Variants in CFAP263 observed in about 807,000 individuals in gnomAD.
CFAP263 encodes cilia- and flagella-associated protein 263.
chr16:58,269,966 A>G, the CFAP263 span, among the ~76,000 whole-genome samples: 1 of 152,218 alleles, frequency 6.6e-6, no homozygotes, highest in South Asian at 2.1e-4. Flanking sequence ...CCCACAATGT[A>G]TGAGAGGGTT....
the CFAP263 span, among the ~76,000 whole-genome samples, chr16:58,259,579 T>A: frequency 6.6e-6 from 1 of 152,358 alleles, no homozygotes; most frequent in Non-Finnish European, 1.5e-5. Context: ...AAGATCATTT[T>A]GTCAGGAAAG....
chr16:58,262,954 T>A, the CFAP263 span, among the ~76,000 whole-genome samples: 1 of 152,228 alleles, frequency 6.6e-6, no homozygotes, highest in African/African-American at 2.4e-5. Context: ...AGAGCCCTGT[T>A]TAATTTGAGC....
the CFAP263 span, chr16:58,252,815 T>G: frequency 1.1e-5 from 18 of 1,613,904 alleles, no homozygotes; most frequent in Non-Finnish European, 1.5e-5. Context: ...ACCTCCACGA[T>G]TATCAGAAAT....
At chr16:58,262,400 G>A in the CFAP263 span, 21 of 1,611,782 alleles carry the variant, frequency 1.3e-5, no homozygotes, top group African/African-American at 4.0e-5. Context: ...AGAGGTGAGT[G>A]AGGCCCTTCA....
the CFAP263 span, chr16:58,282,748 C>A: frequency 6.6e-6 from 1 of 152,250 alleles, no homozygotes; most frequent in Non-Finnish European, 1.5e-5. Context: ...CATGGGGGCT[C>A]CCTGGCCAAG....
the CFAP263 span, chr16:58,262,310 A>G: frequency 7.3e-7 from 1 of 1,363,268 alleles, no homozygotes; most frequent in Non-Finnish European, 1.0e-6. Flanking sequence ...TCTTGTCAAG[A>G]GTTGCAAGAT....
At chr16:58,252,306 G>A in the CFAP263 span, among the ~76,000 whole-genome samples, 2 of 151,860 alleles carry the variant, frequency 1.3e-5, no homozygotes, top group African/African-American at 4.8e-5. Context: ...GGAGTTCCAG[G>A]TTACAGTGAG....
chr16:58,262,642 G>A, the CFAP263 span: 2 of 1,064,616 alleles, frequency 1.9e-6, no homozygotes, highest in Non-Finnish European at 2.6e-6. Flanking sequence ...ACAGCGTTTG[G>A]GTGCCCCCTC....
At chr16:58,268,818 AT>A in the CFAP263 span, among the ~76,000 whole-genome samples, 5 of 151,974 alleles carry the variant, frequency 3.3e-5, no homozygotes, top group African/African-American at 1.2e-4. Context: ...CTTAAAATTG[AT>A]TTTTTTTAAA....
At chr16:58,250,889 A>G in the CFAP263 span, among the ~76,000 whole-genome samples, 2 of 152,166 alleles carry the variant, frequency 1.3e-5, no homozygotes, top group East Asian at 1.9e-4. Flanking sequence ...ATGGAGATGG[A>G]CAGTAAAGAA....
chr16:58,271,575 AT>A, the CFAP263 span, among the ~76,000 whole-genome samples: 1 of 152,192 alleles, frequency 6.6e-6, no homozygotes, highest in South Asian at 2.1e-4. Context: ...GTTTCTCAGA[AT>A]TTCCTTGATG....
At chr16:58,255,064 C>T in the CFAP263 span, among the ~76,000 whole-genome samples, 11 of 152,236 alleles carry the variant, frequency 7.2e-5, no homozygotes, top group East Asian at 1.5e-3. Flanking sequence ...CGCAATCGAT[C>T]GGCTGTCTGC....
At chr16:58,268,204 G>C in the CFAP263 span, among the ~76,000 whole-genome samples, 45 of 152,350 alleles carry the variant, frequency 3.0e-4, no homozygotes, top group Admixed American at 1.6e-3. Context: ...ACTGTGTGAA[G>C]AGGTGAATGG....
At chr16:58,256,927 T>C in the CFAP263 span, among the ~76,000 whole-genome samples, 2 of 151,934 alleles carry the variant, frequency 1.3e-5, no homozygotes, top group Non-Finnish European at 2.9e-5. Context: ...TTTGAAAACA[T>C]TCACAATTTA....
At chr16:58,255,795 C>A in the CFAP263 span, among the ~76,000 whole-genome samples, 1 of 152,036 alleles carries the variant, frequency 6.6e-6, no homozygotes, top group Non-Finnish European at 1.5e-5. Context: ...GATCTCCTGA[C>A]CTTGTGATCC....
the CFAP263 span, chr16:58,252,960 G>A: frequency 9.2e-7 from 1 of 1,086,108 alleles, no homozygotes; most frequent in Non-Finnish European, 1.4e-6. Flanking sequence ...TTGACCATGG[G>A]ACCTTCTCCC....
the CFAP263 span, among the ~76,000 whole-genome samples, chr16:58,251,860 C>A: frequency 6.6e-6 from 1 of 152,196 alleles, no homozygotes; most frequent in East Asian, 1.9e-4. Context: ...CACACATACA[C>A]ACGTATGAGA....
chr16:58,254,141 C>T, the CFAP263 span: 38 of 1,614,202 alleles, frequency 2.4e-5, no homozygotes, highest in Admixed American at 3.3e-5. Flanking sequence ...ATGCGGAACG[C>T]GACCTGCAGC....
At chr16:58,262,652 C>T in the CFAP263 span, 7 of 955,942 alleles carry the variant, frequency 7.3e-6, no homozygotes, top group African/African-American at 3.3e-5. Context: ...GGTGCCCCCT[C>T]GCTGTCAAGC....
Sources: allele counts gnomAD v4.1 joint callset (sites outside exome capture counted in the v4.1 genomes callset), GRCh38; gene constraint gnomAD v4.1.1; transcripts MANE v1.5; gene names NCBI Gene and HGNC (gene_info 2026-07-23, HGNC 2026-07-21).